Variants in PLEKHM2 observed in about 807,000 individuals in gnomAD.
The protein encoded by PLEKHM2 is pleckstrin homology and RUN domain containing M2.
Under a neutral mutation model 116.3 loss-of-function variants are expected in PLEKHM2, and 77 were observed. The ratio of observed to expected loss-of-function variants is 0.66; its 90% CI spans 0.55 to 0.80. The LOEUF (loss-of-function observed/expected upper bound fraction) is 0.80, where lower values mean the gene tolerates loss of function less well. Among genes scored for constraint, PLEKHM2 ranks in the 30% least tolerant of loss-of-function variants. The probability of loss-of-function intolerance (pLI) is 0.00; values close to 1 mark genes in which losing one functional copy is unlikely to be tolerated. For missense variants in PLEKHM2, 1,183 were observed against 1,354.9 expected (o/e 0.87, Z 1.99); for synonymous variants, 562 against 571.0 (o/e 0.98, Z 0.22).
intron 1 of PLEKHM2, among the ~76,000 whole-genome samples, chr1:15,706,400 GTTTGTT>G (rs1641227168): frequency 6.6e-6 from 1 of 151,944 alleles, no homozygotes. Flanking sequence ...TTATTTGTTT[GTTTGTT>G]TTTATTATTA....
chr1:15,714,660 G>C (rs775492610), intron 1 of PLEKHM2, among the ~76,000 whole-genome samples: 7 of 152,206 alleles, frequency 4.6e-5, no homozygotes, highest in Admixed American at 1.3e-4. Context: ...AGGAGCACAT[G>C]CTTGTTGGTG....
At position 15,732,757 on chromosome 1, in the gene PLEKHM2, C is replaced by T. The variant is rs1044186260; in HGVS notation, c.2922+29C>T. 8 of 1,466,968 alleles carry T rather than the reference C, an allele frequency of 5.5e-6. No homozygotes were observed. The Admixed American group carries it at 1.3e-4, about 24-fold the overall frequency. The allele number at this position is 1,466,968 out of a possible 1,614,324, so 90.9% of individuals were successfully genotyped here. ...CCCAGCTGCCCAGGAAACCCATTAG[C>T]CAGGGACCCTGTGGAGTGGGAGCCA... On this transcript the variant is annotated intron_variant, in intron 19 of 19. Transcript: ENST00000375799.
Position 15,725,101 on chromosome 1 carries a change from G to C in PLEKHM2, c.713-216G>C, listed in dbSNP as rs192148151. Among the ~76,000 whole-genome samples, 314 of 152,294 alleles carry C rather than the reference G, an allele frequency of 2.1e-3. 1 individual carries two copies. The highest frequency in any genetic ancestry group is 2.5e-3 in the Non-Finnish European group (169 of 68,014). On this transcript the variant is annotated intron_variant, in intron 7 of 19. Coordinates refer to ENST00000375799, the MANE Select transcript of PLEKHM2 (RefSeq NM_015164.4). The stretch of plus-strand genomic sequence containing the variant: ...TTGTTGTGAGCTCCGGAGGCCCCAG[G>C]GGTGGTGGAGATGGTGTTCCTTCCA...
intron 18 of PLEKHM2, 21 bp from the exon 19 acceptor site, chr1:15,732,591 C>A: frequency 1.3e-6 from 2 of 1,596,862 alleles, no homozygotes. Context: ...GCTGCTCACC[C>A]GGGGGCCTGG....
At chr1:15,705,827 C>A (rs939102130) in intron 1 of PLEKHM2, among the ~76,000 whole-genome samples, 1 of 152,136 alleles carries the variant, frequency 6.6e-6, no homozygotes, top group Non-Finnish European at 1.5e-5. Context: ...TCTGGTGGCT[C>A]ACGCCTGTAA....
At chr1:15,708,693 A>T (rs549410128) in intron 1 of PLEKHM2, among the ~76,000 whole-genome samples, 2 of 152,264 alleles carry the variant, frequency 1.3e-5, no homozygotes, top group East Asian at 3.9e-4. Flanking sequence ...AAAGAGCTGG[A>T]ATTATACTTG....
At chr1:15,710,282 T>G (rs1171406151) in intron 1 of PLEKHM2, among the ~76,000 whole-genome samples, 3 of 151,940 alleles carry the variant, frequency 2.0e-5, no homozygotes, top group Non-Finnish European at 4.4e-5. Flanking sequence ...GTAGTGAAAT[T>G]TGATTAAAAT....
At chr1:15,705,844 C>G (rs1297384724) in intron 1 of PLEKHM2, among the ~76,000 whole-genome samples, 2 of 152,116 alleles carry the variant, frequency 1.3e-5, no homozygotes, top group African/African-American at 4.8e-5. Context: ...GTAATCCCAG[C>G]ACTTTGGGAG....
intron 1 of PLEKHM2, among the ~76,000 whole-genome samples, chr1:15,715,463 G>A (rs1288848609): frequency 2.6e-5 from 4 of 152,136 alleles, no homozygotes; most frequent in Non-Finnish European, 5.9e-5. Flanking sequence ...CCAACATGGC[G>A]AAACCTCGTC....
chr1:15,708,786 C>A (rs1011225206), intron 1 of PLEKHM2, among the ~76,000 whole-genome samples: 1 of 152,116 alleles, frequency 6.6e-6, no homozygotes, highest in Non-Finnish European at 1.5e-5. Flanking sequence ...GATGAAAAGA[C>A]CTGGGTTTAA....
At position 15,720,057 on chromosome 1, in the gene PLEKHM2, T is replaced by G. The variant is rs145162301; in HGVS notation, c.652+137T>G. On this transcript the variant is annotated intron_variant, in intron 6 of 19. Coordinates refer to ENST00000375799, the MANE Select transcript of PLEKHM2 (RefSeq NM_015164.4). The stretch of plus-strand genomic sequence containing the variant: ...TTTGCAATTAAACAGGGCTGGCCAT[T>G]TCCCAGATCTTCATCTCCTCAGAGT... 1,572 of 619,064 alleles carry G rather than the reference T, an allele frequency of 2.5e-3. 49 individuals are homozygous for G. In the Admixed American group the frequency reaches 0.043, roughly 17 times the overall value. 38.3% of individuals were successfully genotyped at this position (619,064 alleles called of 1,614,324 possible).
At position 15,728,857 on chromosome 1, in the gene PLEKHM2, A is replaced by C; in HGVS notation, c.1986+124A>C. ...CCTCCCGGGGTTGGGCACCAACTTAACTCTCAGAGAGGCTTCTGTACACGA... is the reference window on the plus strand; with the variant it reads ...CCTCCCGGGGTTGGGCACCAACTTACCTCTCAGAGAGGCTTCTGTACACGA... On this transcript the variant is annotated intron_variant, in intron 12 of 19. Transcript: ENST00000375799. This position sits in a 1 kb window ranked among gnomAD's most constrained non-coding sequence, Gnocchi z 5.9. The C allele has an allele frequency of 1.1e-6, 1 of 923,358 alleles. No individual in the cohort carries two copies. Among genetic ancestry groups the C allele is most frequent in the African/African-American group, 1.6e-5 (1 of 60,640 alleles). 57.2% of individuals were successfully genotyped at this position (923,358 alleles called of 1,614,324 possible). A position where few individuals can be genotyped will look rare whatever the true frequency, so the allele number is the denominator to read the frequency against.
At chr1:15,685,906 G>A (rs1410809580) in intron 1 of PLEKHM2, among the ~76,000 whole-genome samples, 6 of 152,178 alleles carry the variant, frequency 3.9e-5, no homozygotes, top group Non-Finnish European at 7.3e-5. Flanking sequence ...TACTCAAGGA[G>A]GGCAGGATGA....
chr1:15,728,486 G>A lies in PLEKHM2; in HGVS notation c.1921+129G>A. The A allele has an allele frequency of 2.0e-6, 2 of 1,003,120 alleles. No homozygotes were observed. Among genetic ancestry groups the A allele is most frequent in the East Asian group, 2.6e-5 (1 of 38,636 alleles). The allele number at this position is 1,003,120 out of a possible 1,614,324, so 62.1% of individuals were successfully genotyped here. Reference sequence around the variant, plus strand: ...TGCAGTGATGGAAAGGCACCCCAAGGAAGGTGTTGCCAGCAGCCCTGAGAC... The same window carrying A: ...TGCAGTGATGGAAAGGCACCCCAAGAAAGGTGTTGCCAGCAGCCCTGAGAC... On this transcript the variant is annotated intron_variant, in intron 11 of 19. Transcript: ENST00000375799. The surrounding 1 kb of genome is among the most constrained non-coding windows in gnomAD (Gnocchi z 5.9).
At position 15,734,431 on chromosome 1, in the gene PLEKHM2, C is replaced by T. The variant is rs1336731857; in HGVS notation, c.*497C>T. ...GGGGTGTCTGCGCATGTTTCCTCCT[C>T]CTAGCTCCATCACTGCGCACACAGC... On this transcript the variant is annotated 3_prime_UTR_variant, in exon 20 of 20. Coordinates refer to ENST00000375799, the MANE Select transcript of PLEKHM2 (RefSeq NM_015164.4). 1 of 157,608 alleles carries T rather than the reference C, an allele frequency of 6.3e-6. No individual in the cohort carries two copies. The highest frequency in any genetic ancestry group is 2.4e-5 in the African/African-American group (1 of 41,490). The allele number at this position is 157,608 out of a possible 1,614,324, so 9.8% of individuals were successfully genotyped here. A position where few individuals can be genotyped will look rare whatever the true frequency, so the allele number is the denominator to read the frequency against.
chr1:15,708,041 T>C (rs1641259267), intron 1 of PLEKHM2, among the ~76,000 whole-genome samples: 1 of 150,098 alleles, frequency 6.7e-6, no homozygotes, highest in Non-Finnish European at 1.5e-5. Flanking sequence ...CCCACCACTA[T>C]TCCCAGCTAA....
chr1:15,713,635 T>G (rs1557651542), intron 1 of PLEKHM2, among the ~76,000 whole-genome samples: 1 of 149,644 alleles, frequency 6.7e-6, no homozygotes, highest in African/African-American at 2.5e-5. Flanking sequence ...TGTTTGTTTG[T>G]TTTTTGTTTT....
chr1:15,696,925 G>A (rs1158267864), intron 1 of PLEKHM2, among the ~76,000 whole-genome samples: 1 of 152,012 alleles, frequency 6.6e-6, no homozygotes. Context: ...TGTATTGCAC[G>A]GGCCTTGGAA....
In PLEKHM2 at chr1:15,728,963, C is replaced by T. The variant is rs748078693; in HGVS notation, c.1987-139C>T. 9 of 846,800 alleles carry T rather than the reference C, an allele frequency of 1.1e-5. No individual in the cohort carries two copies. Among genetic ancestry groups the T allele is most frequent in the Non-Finnish European group, 1.7e-5 (9 of 524,634 alleles). 52.5% of individuals were successfully genotyped at this position (846,800 alleles called of 1,614,324 possible). ...CGTCCCTCCCTCACTCATGCCAGCCCCTGGCCTCTGGGGCTTTACTTGGTG... is the reference window on the plus strand; with the variant it reads ...CGTCCCTCCCTCACTCATGCCAGCCTCTGGCCTCTGGGGCTTTACTTGGTG... On this transcript the variant is annotated intron_variant, in intron 12 of 19. Transcript: ENST00000375799. This position sits in a 1 kb window ranked among gnomAD's most constrained non-coding sequence, Gnocchi z 5.9.
Sources: gnomAD v4.1 joint callset for allele counts (sites outside exome capture counted in the v4.1 genomes callset) on GRCh38, gnomAD v4.1.1 for gene constraint, Gnocchi (gnomAD v3.1) non-coding constraint, MANE v1.5 for transcripts, NCBI Gene and HGNC (gene_info 2026-07-23, HGNC 2026-07-21) for gene names.